CSMD1: variants seen among roughly 807,000 people sequenced by gnomAD.
CSMD1 encodes CUB and sushi domain-containing protein 1.
CSMD1 carries 213 observed loss-of-function variants against 417.5 expected under a neutral mutation model. That is an observed-to-expected ratio of 0.51 (90% CI 0.46 to 0.57). The LOEUF (loss-of-function observed/expected upper bound fraction) is 0.57. CSMD1 is among the 20% of genes least tolerant of loss of function. CSMD1 has a pLI of 0.00. For missense variants in CSMD1, 6,923 were observed against 4,529.7 expected, an observed-to-expected ratio of 1.53 and a Z score of -15.17; for synonymous variants, 2,862 against 1,736.8, an observed-to-expected ratio of 1.65 and a Z score of -16.11.
At chr8:4,035,964 TGA>T (rs1797594976) in intron 3 of CSMD1, among the ~76,000 whole-genome samples, 2 of 152,202 alleles carry the variant, frequency 1.3e-5, no homozygotes, top group Non-Finnish European at 2.9e-5. Flanking sequence ...AAGTGTCCTA[TGA>T]GAGTGTAACA....
At chr8:3,404,921 T>A (rs1364355373) in intron 15 of CSMD1, among the ~76,000 whole-genome samples, 1 of 152,128 alleles carries the variant, frequency 6.6e-6, no homozygotes, top group East Asian at 1.9e-4. Context: ...TTCACTGCTA[T>A]AAATAGTCTT....
chr8:4,553,180 C>T (rs1012426119), intron 2 of CSMD1, among the ~76,000 whole-genome samples: 6 of 152,182 alleles, frequency 3.9e-5, no homozygotes, highest in African/African-American at 1.4e-4. Flanking sequence ...TTGTCGCCTC[C>T]CTTTCCCATG....
At chr8:4,811,503 T>C (rs1798906208) in intron 1 of CSMD1, among the ~76,000 whole-genome samples, 2 of 152,210 alleles carry the variant, frequency 1.3e-5, no homozygotes, top group African/African-American at 4.8e-5. Flanking sequence ...AGGGGATTGG[T>C]GGCAATGTAT....
At chr8:4,193,135 A>G (rs771048994) in intron 3 of CSMD1, among the ~76,000 whole-genome samples, 3 of 152,240 alleles carry the variant, frequency 2.0e-5, no homozygotes, top group Non-Finnish European at 2.9e-5. Context: ...TTCAGGAAAG[A>G]CATCTGTAAA....
At chr8:4,303,136 T>C (rs902374867) in intron 3 of CSMD1, among the ~76,000 whole-genome samples, 4 of 152,172 alleles carry the variant, frequency 2.6e-5, no homozygotes, top group African/African-American at 9.7e-5. Context: ...TGATTTTCTC[T>C]AGGAACTAAA....
At chr8:4,221,465 T>C (rs1563295761) in intron 3 of CSMD1, among the ~76,000 whole-genome samples, 1 of 151,888 alleles carries the variant, frequency 6.6e-6, no homozygotes, top group African/African-American at 2.4e-5. Flanking sequence ...TTAGCAGAAT[T>C]GATAAAGCTG....
chr8:4,362,530 C>G (rs1300695897), intron 3 of CSMD1, among the ~76,000 whole-genome samples: 5 of 152,160 alleles, frequency 3.3e-5, no homozygotes, highest in African/African-American at 1.2e-4. Context: ...ATAGATAGAA[C>G]AGGATCTTTA....
intron 50 of CSMD1, among the ~76,000 whole-genome samples, chr8:3,049,442 A>G (rs1470671892): frequency 1.3e-5 from 2 of 152,178 alleles, no homozygotes; most frequent in Non-Finnish European, 2.9e-5. Flanking sequence ...ATCATGGAGG[A>G]AACTTAAACG....
At chr8:3,035,793 C>A (rs1029347449) in intron 50 of CSMD1, among the ~76,000 whole-genome samples, 2 of 152,200 alleles carry the variant, frequency 1.3e-5, no homozygotes, top group African/African-American at 4.8e-5. Flanking sequence ...GTTTAGCTGG[C>A]ATGACAGACA....
chr8:3,320,774 G>A (rs1806100021), intron 23 of CSMD1, among the ~76,000 whole-genome samples: 1 of 152,068 alleles, frequency 6.6e-6, no homozygotes, highest in Admixed American at 6.5e-5. Context: ...ATCCTCTCTG[G>A]GCTTATTCCT....
At chr8:4,071,160 G>C (rs1401526465) in intron 3 of CSMD1, among the ~76,000 whole-genome samples, 1 of 151,662 alleles carries the variant, frequency 6.6e-6, no homozygotes, top group Admixed American at 6.6e-5. Context: ...TCATCCATTA[G>C]TACATTAAAG....
intron 10 of CSMD1, among the ~76,000 whole-genome samples, chr8:3,550,036 T>A (rs923823340): frequency 9.2e-5 from 14 of 152,224 alleles, no homozygotes; most frequent in African/African-American, 3.1e-4. Context: ...TAACTCTGAT[T>A]TTTCTTGTTT....
At chr8:4,967,126 G>T (rs963954206) in intron 1 of CSMD1, among the ~76,000 whole-genome samples, 1 of 152,014 alleles carries the variant, frequency 6.6e-6, no homozygotes. Flanking sequence ...AAAAATCAGG[G>T]TTCATTCAAA....
At chr8:4,909,170 T>G (rs1230688981) in intron 1 of CSMD1, among the ~76,000 whole-genome samples, 5 of 152,190 alleles carry the variant, frequency 3.3e-5, no homozygotes, top group African/African-American at 1.2e-4. Flanking sequence ...CAGGGCCTTC[T>G]GCTGTAATCC....
Position 2,950,211 on chromosome 8 carries a change from G to A in CSMD1, c.10314+20C>T. 2 of 1,444,838 alleles carry A rather than the reference G, an allele frequency of 1.4e-6. No individual in the cohort carries two copies. The highest frequency in any genetic ancestry group is 1.9e-6 in the Non-Finnish European group (2 of 1,026,050). 89.5% of individuals were successfully genotyped at this position (1,444,838 alleles called of 1,614,324 possible). A position where few individuals can be genotyped will look rare whatever the true frequency, so the allele number is the denominator to read the frequency against. On this transcript the variant is annotated intron_variant, in intron 67 of 69. Transcript: ENST00000635120. ...ATTAGAAAGCCTGTGCTTTGTCACA[G>A]ACCTTACACATGTACTTACATAACC...
At chr8:3,451,145 C>T (rs1430087409) in intron 12 of CSMD1, among the ~76,000 whole-genome samples, 1 of 152,174 alleles carries the variant, frequency 6.6e-6, no homozygotes, top group Non-Finnish European at 1.5e-5. Flanking sequence ...ATCCTTCGCC[C>T]ACTTTTTGAT....
chr8:3,315,957 C>G (rs950377342), intron 23 of CSMD1, among the ~76,000 whole-genome samples: 1 of 152,100 alleles, frequency 6.6e-6, no homozygotes. Flanking sequence ...TCCAGCAGGT[C>G]AAATAGTTAA....
At position 3,314,129 on chromosome 8, in the gene CSMD1, G is replaced by T. The variant is rs564223505; in HGVS notation, c.3632-5626C>A. On this transcript the variant is annotated intron_variant, in intron 23 of 69. Coordinates refer to ENST00000635120, the MANE Select transcript of CSMD1 (RefSeq NM_033225.6). ...ACACCGGAGCCTGTTGTGGGGTGGG[G>T]GGAGTGGGGAGGGATAGCATTAGGA... Among the ~76,000 whole-genome samples the T allele has an allele frequency of 1.1e-4, 17 of 152,044 alleles. No individual in the cohort carries two copies. In the East Asian group the frequency reaches 3.3e-3, roughly 29 times the overall value.
At position 3,394,028 on chromosome 8, in the gene CSMD1, A is replaced by C. The variant is rs1475002510; in HGVS notation, c.2593+2166T>G. On this transcript the variant is annotated intron_variant, in intron 17 of 69. Transcript: ENST00000635120. ...AAAAATAAATTATATATATATATAT[A>C]TATATATATATATATATATATATAT... Among the ~76,000 whole-genome samples, 36 of 70,106 alleles carry C rather than the reference A, an allele frequency of 5.1e-4. 1 individual carries two copies. Among genetic ancestry groups the C allele is most frequent in the African/African-American group, 2.1e-3 (35 of 16,582 alleles). The allele number at this position is 70,106 out of a possible 152,430, so 46.0% of individuals were successfully genotyped here. A position where few individuals can be genotyped will look rare whatever the true frequency, so the allele number is the denominator to read the frequency against.
Sources: gnomAD v4.1 joint callset for allele counts (sites outside exome capture counted in the v4.1 genomes callset) on GRCh38, gnomAD v4.1.1 for gene constraint, MANE v1.5 for transcripts, NCBI Gene and HGNC (gene_info 2026-07-23, HGNC 2026-07-21) for gene names.